The following COL17A1 variants were observed in gnomAD, a reference collection of about 807,000 sequenced individuals.
The protein encoded by COL17A1 is collagen type XVII alpha 1 chain.
COL17A1 carries 181 observed loss-of-function variants against 218.4 expected under a neutral mutation model. The observed-to-expected ratio is 0.83, with a 90% CI of 0.73 to 0.94. The LOEUF (loss-of-function observed/expected upper bound fraction) is 0.94. Among genes scored for constraint, COL17A1 ranks in the 40% least tolerant of loss-of-function variants. The pLI, the probability that COL17A1 is intolerant of heterozygous loss-of-function variation, is 0.00. For missense variants in COL17A1, 1,924 were observed against 1,945.9 expected (o/e 0.99, Z 0.21); for synonymous variants, 721 against 731.0 (o/e 0.99, Z 0.22).
At position 104,034,684 on chromosome 10, in the gene COL17A1, G is replaced by A; in HGVS notation, c.3703C>T (p.Leu1235=). The A allele has an allele frequency of 6.2e-7, 1 of 1,610,540 alleles. No individual in the cohort carries two copies. The highest frequency in any genetic ancestry group is 1.7e-4 in the Middle Eastern group (1 of 6,056). Residue 1235 remains leucine, a synonymous_variant, in exon 51 of 56, where the codon CTG becomes TTG. Coordinates refer to ENST00000648076, the MANE Select transcript of COL17A1 (RefSeq NM_000494.4). ...CTGTTTTCAGCTGCATAGGTTGCCA[G>A]GGCTCCTGAGACACCCGGGGGCCCT... ...PRGPPGVSGA[L]ATYAAENSDS... is the part of the protein sequence containing the mutation.
chr10:104,055,643 G>T, intron 18 of COL17A1, 139 bp downstream of exon 18: 1 of 1,267,122 alleles, frequency 7.9e-7, no homozygotes, highest in Non-Finnish European at 1.1e-6. Context: ...ACCTCTCAGC[G>T]CTATTGAGAG....
At position 104,060,300 on chromosome 10, in the gene COL17A1, G is replaced by C. The variant is rs773658952; in HGVS notation, c.980-20C>G. On this transcript the variant is annotated intron_variant, in intron 13 of 55. Transcript: ENST00000648076. ...TGCAGGCTGGGGAGAAAGAAAATGG[G>C]TAAGAAGGAAGGACATGTGCCAGGA... 1 of 1,613,708 alleles carries C rather than the reference G, an allele frequency of 6.2e-7. No homozygotes were observed. The highest frequency in any genetic ancestry group is 2.2e-5 in the East Asian group (1 of 44,890).
At chr10:104,074,346 G>C (rs1237189084) in intron 5 of COL17A1, 115 bp from the exon 6 acceptor site, 3 of 1,442,874 alleles carry the variant, frequency 2.1e-6, no homozygotes, top group African/African-American at 1.4e-5. Flanking sequence ...CAGTGTTTCA[G>C]GGGGGAATGA....
At chr10:104,083,019 A>G (rs757194142) in intron 1 of COL17A1, among the ~76,000 whole-genome samples, 3 of 152,184 alleles carry the variant, frequency 2.0e-5, no homozygotes, top group Non-Finnish European at 2.9e-5. Context: ...AAGCCACCCC[A>G]ATGTCTGTGT....
Position 104,053,143 on chromosome 10 carries a change from C to G in COL17A1, c.1835-8G>C, listed in dbSNP as rs1448903884. 1 of 1,611,858 alleles carries G rather than the reference C, an allele frequency of 6.2e-7. No individual in the cohort carries two copies. The highest frequency in any genetic ancestry group is 1.1e-5 in the South Asian group (1 of 91,082). ...CTTCCATGCCAGGATCTCCTAAAGACAGGGATGGCCAGCCTCCAAGTCAGG... is the reference window on the plus strand; with the variant it reads ...CTTCCATGCCAGGATCTCCTAAAGAGAGGGATGGCCAGCCTCCAAGTCAGG... On this transcript the variant is annotated splice_region_variant and splice_polypyrimidine_tract_variant and intron_variant, in intron 22 of 55. Coordinates refer to ENST00000648076, the MANE Select transcript of COL17A1 (RefSeq NM_000494.4).
chr10:104,058,009 G>T, intron 16 of COL17A1, 137 bp downstream of exon 16: 2 of 1,331,126 alleles, frequency 1.5e-6, no homozygotes, highest in Non-Finnish European at 1.0e-6. Context: ...TCCCTTCTGA[G>T]CCTTTAGGGA....
In COL17A1 at chr10:104,073,192, C is replaced by T. The variant is rs2086682279; in HGVS notation, c.415+18G>A. On this transcript the variant is annotated intron_variant, in intron 7 of 55. Transcript: ENST00000648076. ...TACTTGTTGAATGAATTGGACTGAACCCAGTGACAGCACTCACCTCGTGTT... is the reference window on the plus strand; with the variant it reads ...TACTTGTTGAATGAATTGGACTGAATCCAGTGACAGCACTCACCTCGTGTT... The T allele has an allele frequency of 1.2e-6, 2 of 1,612,174 alleles. No individual in the cohort carries two copies. Among genetic ancestry groups the T allele is most frequent in the Non-Finnish European group, 1.7e-6 (2 of 1,178,300 alleles).
At chr10:104,062,229 C>G in intron 12 of COL17A1, 29 bp downstream of exon 12, 1 of 1,614,188 alleles carries the variant, frequency 6.2e-7, no homozygotes, top group African/African-American at 1.3e-5. Context: ...CACTTTCCAG[C>G]GCCTAAGCTC....
intron 48 of COL17A1, among the ~76,000 whole-genome samples, chr10:104,036,167 G>GAT (rs2086294951): frequency 1.8e-3 from 1 of 562 alleles, no homozygotes; most frequent in Non-Finnish European, 3.8e-3. Flanking sequence ...TGTGAGTATG[G>GAT]GTGTGTGTGT....
intron 4 of COL17A1, 82 bp from the exon 5 acceptor site, chr10:104,076,511 C>A: frequency 6.3e-7 from 1 of 1,595,750 alleles, no homozygotes; most frequent in South Asian, 1.1e-5. Context: ...GCTATATTAA[C>A]CAAGTACACT....
intron 55 of COL17A1, 86 bp downstream of exon 55, chr10:104,032,588 C>G: frequency 7.1e-7 from 1 of 1,411,820 alleles, no homozygotes; most frequent in Non-Finnish European, 1.0e-6. Flanking sequence ...CTCAGGCTTG[C>G]TCTGGAACAA....
At position 104,060,270 on chromosome 10, in the gene COL17A1, T is replaced by C. The variant is rs142852551; in HGVS notation, c.990A>G (p.Thr330=). The C allele has an allele frequency of 3.7e-4, 595 of 1,614,002 alleles. 3 individuals carry two copies. In the African/African-American group the frequency reaches 5.1e-3, roughly 14 times the overall value. Residue 330 remains threonine, a synonymous_variant, in exon 14 of 56, where the codon ACA becomes ACG. Coordinates refer to ENST00000648076, the MANE Select transcript of COL17A1 (RefSeq NM_000494.4). ...GCAAAAGGTCATCGCTCTGCACACTTGTGGTGCAGGCTGGGGAGAAAGAAA... is the reference window on the plus strand; with the variant it reads ...GCAAAAGGTCATCGCTCTGCACACTCGTGGTGCAGGCTGGGGAGAAAGAAA... ...TGVSTSAACT[T]SVQSDDLLHK...
intron 48 of COL17A1, among the ~76,000 whole-genome samples, chr10:104,035,814 G>C (rs1192523087): frequency 6.6e-6 from 1 of 151,872 alleles, no homozygotes; most frequent in Non-Finnish European, 1.5e-5. Flanking sequence ...GTGTATGGGA[G>C]TGAGTGTGTG....
In COL17A1 at chr10:104,033,346, TGTAGGCCATCCCTTGCA is replaced by T. The variant is rs1564669270; in HGVS notation, c.4169_4185del (p.Leu1390HisfsTer59). 1 of 1,610,308 alleles carries T rather than the reference TGTAGGCCATCCCTTGCA, an allele frequency of 6.2e-7. No individual in the cohort carries two copies. Among genetic ancestry groups the T allele is most frequent in the Admixed American group, 1.7e-5 (1 of 59,586 alleles). ...GGCTGGCCTGGTGGGCCCTGGACAG[TGTAGGCCATCCCTTGCA>T]GTAGGCCCTGACCTGTAAAACACCA... On this transcript the variant is annotated frameshift_variant, in exon 53 of 56. Transcript: ENST00000648076. LOFTEE classifies it high-confidence loss of function.
chr10:104,037,865 G>T, intron 45 of COL17A1, 92 bp from the exon 46 acceptor site: 1 of 1,497,384 alleles, frequency 6.7e-7, no homozygotes, highest in Non-Finnish European at 9.1e-7. Context: ...TAACATGCCT[G>T]CCCCGCCCCA....
intron 5 of COL17A1, among the ~76,000 whole-genome samples, chr10:104,075,224 T>C (rs956596433): frequency 3.3e-5 from 5 of 152,290 alleles, no homozygotes; most frequent in African/African-American, 1.2e-4. Context: ...CCTGGGTATC[T>C]GGGCCCTGAC....
chr10:104,084,145 C>G (rs1258690332), intron 1 of COL17A1, among the ~76,000 whole-genome samples: 1 of 152,168 alleles, frequency 6.6e-6, no homozygotes, highest in Non-Finnish European at 1.5e-5. Context: ...GATAGGGCAC[C>G]AGCTTTGTGA....
At chr10:104,046,362 G>A (rs2086409484) in intron 32 of COL17A1, among the ~76,000 whole-genome samples, 1 of 152,152 alleles carries the variant, frequency 6.6e-6, no homozygotes, top group Admixed American at 6.5e-5. Context: ...AGAGAAACTG[G>A]GCTTTCCCGA....
rs541981097 is a variant in COL17A1, at chr10:104,072,593, T to A, written c.416-514A>T. Among the ~76,000 whole-genome samples, 5 of 152,296 alleles carry A rather than the reference T, an allele frequency of 3.3e-5. No homozygotes were observed. In the South Asian group the frequency reaches 1.0e-3, roughly 32 times the overall value. ...CTAAAGTTGTGAGTGGTTGGCATAC[T>A]CCTAACTTCCAAGTTATTGATGATA... On this transcript the variant is annotated intron_variant, in intron 7 of 55. Transcript: ENST00000648076.
Sources: allele counts gnomAD v4.1 joint callset (sites outside exome capture counted in the v4.1 genomes callset), GRCh38; gene constraint gnomAD v4.1.1; transcripts MANE v1.5; gene names NCBI Gene and HGNC (gene_info 2026-07-23, HGNC 2026-07-21).